The following GOLGA4 variants were observed in gnomAD, a reference collection of about 807,000 sequenced individuals.
GOLGA4 encodes golgin subfamily A member 4.
Under a neutral mutation model 265.9 loss-of-function variants are expected in GOLGA4, and 169 were observed. The ratio of observed to expected loss-of-function variants is 0.64; its 90% CI spans 0.56 to 0.72. The LOEUF (loss-of-function observed/expected upper bound fraction) is 0.72. Ranked by LOEUF, GOLGA4 falls within the 30% of genes least tolerant of loss-of-function variation. The pLI is 0.00. For synonymous variants in GOLGA4, 923 were observed against 855.8 expected (o/e 1.08, Z -1.37); for missense variants, 2,482 against 2,483.4 (o/e 1.00, Z 0.01).
At position 37,324,871 on chromosome 3, in the gene GOLGA4, A is replaced by G; in HGVS notation, c.2985A>G (p.Lys995=). 1 of 1,595,790 alleles carries G rather than the reference A, an allele frequency of 6.3e-7. No individual in the cohort carries two copies. The highest frequency in any genetic ancestry group is 1.1e-5 in the South Asian group (1 of 87,170). Residue 995 remains lysine (K), a synonymous_variant, in exon 14 of 24, where the codon AAA becomes AAG. Coordinates refer to ENST00000361924, the MANE Select transcript of GOLGA4 (RefSeq NM_002078.5). ...ATACTGCTCTAGAGCTTAGTCAGAA[A>G]GAAAAACAGTTTAATGCCAAAATGC... ...LENTALELSQ[K]EKQFNAKMLE...
At chr3:37,323,066 A>G (rs1473132873) in intron 13 of GOLGA4, among the ~76,000 whole-genome samples, 1 of 151,308 alleles carries the variant, frequency 6.6e-6, no homozygotes, top group Non-Finnish European at 1.5e-5. Context: ...AATAGAAAGA[A>G]TCTGAAAGTA....
At position 37,327,182 on chromosome 3, in the gene GOLGA4, C is replaced by G. The variant is rs1447800022; in HGVS notation, c.5296C>G (p.His1766Asp). Residue 1766 changes from histidine (H) to aspartate (D), a missense_variant, in exon 14 of 24, where the codon CAT (histidine) becomes GAT (aspartate). By Grantham distance (81) the His-to-Asp change is moderately conservative (BLOSUM62 -1). Around this residue, in one of 3 missense-constraint regions of GOLGA4, gnomAD observed 942 missense variants for 983.1 expected, o/e 0.96. Transcript: ENST00000361924. Reference protein sequence around the residue: ...GQEKEETVSSHFEMRCQYQER... With the variant: ...GQEKEETVSSDFEMRCQYQER... ...GGAAAAAGAAGAGACAGTTTCTTCT[C>G]ATTTTGAAATGCGATGCCAATACCA... is the stretch of plus-strand genomic sequence containing the variant. 3.1e-6 allele frequency: 5 copies of G among 1,613,782 alleles called. No individual in the cohort carries two copies. The South Asian group carries it at 5.5e-5, about 18-fold the overall frequency.
Position 37,337,686 on chromosome 3 carries a change from G to A in GOLGA4, c.6348G>A (p.Thr2116=), listed in dbSNP as rs1421901255. ...TTCAGACACAGCTAGCACAGAAGAC[G>A]ACTTTAATCAGTGATTCGAAATTGA... is the stretch of plus-strand genomic sequence containing the variant. ...MELQTQLAQK[T]TLISDSKLKE... is the part of the protein sequence containing the mutation. The change falls in exon 19 of 24, where the codon ACG becomes ACA. Residue 2116 remains threonine (T), a synonymous_variant. Transcript: ENST00000361924. The A allele has an allele frequency of 1.2e-6, 2 of 1,611,560 alleles. No homozygotes were observed. The highest frequency in any genetic ancestry group is 1.7e-6 in the Non-Finnish European group (2 of 1,177,656).
chr3:37,329,291 A>T, intron 16 of GOLGA4, 198 bp downstream of exon 16: 1 of 426,964 alleles, frequency 2.3e-6, no homozygotes, highest in Non-Finnish European at 4.1e-6. Context: ...TAGTTTCCTG[A>T]TGAGATTCTG....
intron 19 of GOLGA4, among the ~76,000 whole-genome samples, chr3:37,338,619 A>G (rs1388546120): frequency 2.6e-5 from 4 of 152,202 alleles, no homozygotes; most frequent in Admixed American, 6.5e-5. Flanking sequence ...TAATCATTTT[A>G]GAGTACACAG....
chr3:37,261,104 G>A (rs1192381577), intron 2 of GOLGA4, among the ~76,000 whole-genome samples: 1 of 151,842 alleles, frequency 6.6e-6, no homozygotes, highest in African/African-American at 2.4e-5. Flanking sequence ...CCAGGAGGTC[G>A]AGGTTGCAGT....
intron 11 of GOLGA4, among the ~76,000 whole-genome samples, chr3:37,318,368 T>C (rs1468644990): frequency 1.3e-5 from 2 of 152,170 alleles, no homozygotes; most frequent in African/African-American, 4.8e-5. Flanking sequence ...TAATACACAC[T>C]AAATTATTAA....
rs769284766 is a variant in GOLGA4, at chr3:37,325,712, G to A, written c.3826G>A (p.Ala1276Thr). 6.2e-7 allele frequency: 1 copy of A among 1,613,350 alleles called. No individual in the cohort carries two copies. The highest frequency in any genetic ancestry group is 1.1e-5 in the South Asian group (1 of 91,078). Residue 1276 changes from alanine (A) to threonine (T), a missense_variant, in exon 14 of 24, where the codon GCA becomes ACA. By Grantham distance (58) the Ala-to-Thr change is moderately conservative. Around this residue, in one of 3 missense-constraint regions of GOLGA4, gnomAD observed 1,536 missense variants for 1,483.7 expected, o/e 1.04. Coordinates refer to ENST00000361924, the MANE Select transcript of GOLGA4 (RefSeq NM_002078.5). The stretch of plus-strand genomic sequence containing the variant: ...AACTTGCACAGTTTCTGAATTAGAA[G>A]CACAACTTAGACAGTTGACAGAGGA... ...IKTCTVSELEAQLRQLTEEQN... is the reference protein window; with the variant it reads ...IKTCTVSELETQLRQLTEEQN...
At chr3:37,257,240 A>G (rs1273524965) in intron 2 of GOLGA4, among the ~76,000 whole-genome samples, 2 of 152,142 alleles carry the variant, frequency 1.3e-5, no homozygotes, top group African/African-American at 2.4e-5. Flanking sequence ...GTGTTGTAGC[A>G]TGTATCTACT....
intron 1 of GOLGA4, 98 bp downstream of exon 1, chr3:37,243,720 C>T (rs1456237512): frequency 2.4e-5 from 24 of 993,694 alleles, no homozygotes; most frequent in African/African-American, 4.9e-5. Flanking sequence ...CTTCCGTGAC[C>T]TTTAACCCCT....
At chr3:37,275,018 C>T (rs894783288) in intron 2 of GOLGA4, among the ~76,000 whole-genome samples, 2 of 151,574 alleles carry the variant, frequency 1.3e-5, no homozygotes, top group African/African-American at 4.9e-5. Flanking sequence ...TCGAGACCAG[C>T]CTAACCAACA....
chr3:37,318,494 CTT>C (rs2096944278), intron 11 of GOLGA4, among the ~76,000 whole-genome samples: 1 of 151,874 alleles, frequency 6.6e-6, no homozygotes, highest in South Asian at 2.1e-4. Context: ...TATTATTACT[CTT>C]ATTTTTTGAA....
chr3:37,267,337 A>C (rs1163905526), intron 2 of GOLGA4, among the ~76,000 whole-genome samples: 3 of 152,248 alleles, frequency 2.0e-5, no homozygotes, highest in Admixed American at 6.5e-5. Flanking sequence ...TTTTAGGGGA[A>C]AAATTCGTTG....
intron 19 of GOLGA4, 151 bp downstream of exon 19, chr3:37,337,885 C>T: frequency 3.5e-6 from 2 of 579,254 alleles, no homozygotes; most frequent in Non-Finnish European, 6.3e-6. Flanking sequence ...TAGAGGTTTT[C>T]TCTCTAAATT....
chr3:37,345,164 T>C (rs920568603), intron 20 of GOLGA4, among the ~76,000 whole-genome samples: 1 of 152,192 alleles, frequency 6.6e-6, no homozygotes, highest in African/African-American at 2.4e-5. Context: ...GAGCTGTGAT[T>C]GCACCATTGC....
At chr3:37,317,800 T>G (rs2096942139) in intron 11 of GOLGA4, among the ~76,000 whole-genome samples, 1 of 152,164 alleles carries the variant, frequency 6.6e-6, no homozygotes, top group African/African-American at 2.4e-5. Flanking sequence ...TTTTATGGAT[T>G]TGTAGAAGCT....
chr3:37,276,170 G>T, intron 2 of GOLGA4: 6 of 1,596,808 alleles, frequency 3.8e-6, no homozygotes, highest in Non-Finnish European at 5.1e-6. Flanking sequence ...TGACTACATT[G>T]CAATTGGAGC....
At chr3:37,308,588 T>G (rs2096913752) in intron 10 of GOLGA4, among the ~76,000 whole-genome samples, 1 of 150,694 alleles carries the variant, frequency 6.6e-6, no homozygotes, top group African/African-American at 2.4e-5. Flanking sequence ...TGTATTGATA[T>G]TTACTGTATT....
At chr3:37,331,859 C>G (rs1013275372) in intron 16 of GOLGA4, among the ~76,000 whole-genome samples, 4 of 152,054 alleles carry the variant, frequency 2.6e-5, no homozygotes, top group African/African-American at 9.7e-5. Flanking sequence ...CCTATTTTGT[C>G]ATTAAATCTG....
Sources: allele counts gnomAD v4.1 joint callset (sites outside exome capture counted in the v4.1 genomes callset), GRCh38; gene constraint gnomAD v4.1.1; regional missense constraint gnomAD v4.1.1; transcripts MANE v1.5; gene names NCBI Gene and HGNC (gene_info 2026-07-23, HGNC 2026-07-21).